The following GTF2F2 variants were observed in gnomAD, a reference collection of about 807,000 sequenced individuals.
GTF2F2 encodes the protein ATP-dependent helicase GTF2F2.
A neutral mutation model predicts 42.2 loss-of-function variants in GTF2F2; 23 were observed. That is an observed-to-expected ratio of 0.55 (90% CI 0.39 to 0.77). The LOEUF is 0.77. GTF2F2 is among the 30% of genes least tolerant of loss of function. The probability of loss-of-function intolerance (pLI) is 0.00; values close to 1 mark genes in which losing one functional copy is unlikely to be tolerated. For missense variants in GTF2F2, 261 were observed against 287.2 expected, an observed-to-expected ratio of 0.91 and a Z score of 0.66; for synonymous variants, 105 against 100.8, an observed-to-expected ratio of 1.04 and a Z score of -0.25.
intron 4 of GTF2F2, among the ~76,000 whole-genome samples, chr13:45,176,863 G>A (rs1871904821): frequency 6.6e-6 from 1 of 151,960 alleles, no homozygotes; most frequent in Non-Finnish European, 1.5e-5. Flanking sequence ...TTGGCTCACT[G>A]CAACCTCTGT....
intron 1 of GTF2F2, 148 bp downstream of exon 1, chr13:45,120,869 T>C: frequency 1.6e-6 from 1 of 635,876 alleles, no homozygotes. Context: ...GGAGTCATTG[T>C]TGTATCTGTT....
Position 45,185,911 on chromosome 13 carries a change from A to G in GTF2F2, c.305-21513A>G, listed in dbSNP as rs187995226. Among the ~76,000 whole-genome samples, 426 of 152,254 alleles carry G rather than the reference A, an allele frequency of 2.8e-3. 8 individuals carry two copies. The highest frequency in any genetic ancestry group is 7.7e-4 in the East Asian group (4 of 5,184). ...TATCTTTGCGTAGATAGAAAAAAAT[A>G]TGTAAAAATCAAAATAGTTTTGTTA... On this transcript the variant is annotated intron_variant, in intron 4 of 7. Coordinates refer to ENST00000340473, the MANE Select transcript of GTF2F2 (RefSeq NM_004128.3).
intron 5 of GTF2F2, 58 bp from the exon 6 acceptor site, chr13:45,252,813 T>C: frequency 1.4e-6 from 1 of 723,272 alleles, no homozygotes; most frequent in Non-Finnish European, 2.3e-6. Context: ...AAATAATAAC[T>C]CTTCATATTT....
chr13:45,147,416 A>C (rs1449911881), intron 2 of GTF2F2, among the ~76,000 whole-genome samples: 1 of 152,166 alleles, frequency 6.6e-6, no homozygotes, highest in Non-Finnish European at 1.5e-5. Context: ...AATTAAAGGC[A>C]GTTACATTAA....
At chr13:45,282,111 T>C (rs542510141) in intron 7 of GTF2F2, among the ~76,000 whole-genome samples, 130 of 152,158 alleles carry the variant, frequency 8.5e-4, no homozygotes, top group African/African-American at 2.9e-3. Context: ...GGCAGGAGAA[T>C]CGCTTGAACC....
chr13:45,165,212 A>G (rs1871220691), intron 4 of GTF2F2, among the ~76,000 whole-genome samples: 1 of 150,018 alleles, frequency 6.7e-6, no homozygotes, highest in Non-Finnish European at 1.5e-5. Context: ...ATATATTCAT[A>G]TATATGTGGA....
chr13:45,248,213 A>G (rs1194082406), intron 5 of GTF2F2, among the ~76,000 whole-genome samples: 1 of 152,144 alleles, frequency 6.6e-6, no homozygotes, highest in African/African-American at 2.4e-5. Context: ...TAAATTTGTT[A>G]CTTGATACTT....
At chr13:45,282,560 A>G (rs1002137856) in intron 7 of GTF2F2, among the ~76,000 whole-genome samples, 31 of 152,186 alleles carry the variant, frequency 2.0e-4, no homozygotes, top group Admixed American at 5.2e-4. Context: ...GCTAGAGTGC[A>G]ATGGCACAGT....
At chr13:45,147,677 A>C (rs1414404658) in intron 2 of GTF2F2, among the ~76,000 whole-genome samples, 1 of 152,224 alleles carries the variant, frequency 6.6e-6, no homozygotes, top group Non-Finnish European at 1.5e-5. Flanking sequence ...TATGTAAAAG[A>C]CTGAGAAGTC....
At chr13:45,197,432 C>T (rs1872955627) in intron 4 of GTF2F2, among the ~76,000 whole-genome samples, 1 of 150,774 alleles carries the variant, frequency 6.6e-6, no homozygotes, top group South Asian at 2.1e-4. Flanking sequence ...TCGCCTGAGC[C>T]CGGGAGGTGG....
At chr13:45,147,999 G>T (rs1298081583) in intron 2 of GTF2F2, among the ~76,000 whole-genome samples, 5 of 152,122 alleles carry the variant, frequency 3.3e-5, no homozygotes, top group Non-Finnish European at 7.4e-5. Context: ...ATGATTGGAC[G>T]TGTCTATTTT....
chr13:45,149,815 G>A (rs1870394267), intron 3 of GTF2F2, 27 bp downstream of exon 3: 1 of 1,489,358 alleles, frequency 6.7e-7, no homozygotes, highest in Non-Finnish European at 9.0e-7. Context: ...GGAAATTTTA[G>A]TTAAAACTTG....
At chr13:45,277,088 A>G (rs1166032607) in intron 7 of GTF2F2, among the ~76,000 whole-genome samples, 1 of 152,188 alleles carries the variant, frequency 6.6e-6, no homozygotes, top group Non-Finnish European at 1.5e-5. Context: ...AAGTGAAACC[A>G]GGAGAAAAGA....
Position 45,159,355 on chromosome 13 carries a change from T to C in GTF2F2, c.304+7524T>C, listed in dbSNP as rs544170122. On this transcript the variant is annotated intron_variant, in intron 4 of 7. Coordinates refer to ENST00000340473, the MANE Select transcript of GTF2F2 (RefSeq NM_004128.3). ...TTATAATCTGTCCTGTATGGTACTG[T>C]CCTGCAAGTATAGTAAATGAAAAAG... is the stretch of plus-strand genomic sequence containing the variant. Among the ~76,000 whole-genome samples the C allele has an allele frequency of 2.5e-4, 38 of 152,374 alleles. No individual in the cohort carries two copies. In the South Asian group the frequency reaches 4.6e-3, roughly 18 times the overall value.
chr13:45,148,866 C>T (rs115783639), intron 2 of GTF2F2, among the ~76,000 whole-genome samples: 2,584 of 152,058 alleles, frequency 0.017, 84 homozygotes, highest in African/African-American at 0.055. Flanking sequence ...AGATACTGCA[C>T]CAAGATGTTA....
intron 5 of GTF2F2, among the ~76,000 whole-genome samples, chr13:45,239,888 A>AT (rs1157766560): frequency 3.3e-5 from 5 of 152,090 alleles, no homozygotes; most frequent in Admixed American, 2.6e-4. Flanking sequence ...GGAATCTTGA[A>AT]TTTTTTCCCC....
intron 1 of GTF2F2, among the ~76,000 whole-genome samples, chr13:45,127,403 G>A (rs1869072570): frequency 6.6e-6 from 1 of 151,578 alleles, no homozygotes; most frequent in Admixed American, 6.6e-5. Context: ...TCGGCTCACT[G>A]CAACCTCTGC....
intron 7 of GTF2F2, among the ~76,000 whole-genome samples, chr13:45,278,816 CTTTTTTTTTTT>C (rs1157972776): frequency 1.6e-5 from 1 of 62,300 alleles, no homozygotes; most frequent in East Asian, 4.4e-4. Flanking sequence ...TTTTCTTTTT[CTTTTTTTTTTT>C]TTTTTTTTTT....
chr13:45,164,080 G>A (rs1871155312), intron 4 of GTF2F2, among the ~76,000 whole-genome samples: 1 of 152,180 alleles, frequency 6.6e-6, no homozygotes, highest in Non-Finnish European at 1.5e-5. Flanking sequence ...AGGAGTTCAA[G>A]ACCAGCCCGG....
Sources: gnomAD v4.1 joint callset for allele counts (sites outside exome capture counted in the v4.1 genomes callset) on GRCh38, gnomAD v4.1.1 for gene constraint, MANE v1.5 for transcripts, NCBI Gene and HGNC (gene_info 2026-07-23, HGNC 2026-07-21) for gene names.